The following FBXL17 variants were observed in gnomAD, a reference collection of about 807,000 sequenced individuals.
The protein encoded by FBXL17 is F-box/LRR-repeat protein 17.
In FBXL17, 22 loss-of-function variants were observed where a neutral mutation model predicts 66.2. That is an observed-to-expected ratio of 0.33 (90% CI 0.24 to 0.47). The LOEUF (loss-of-function observed/expected upper bound fraction) is 0.47, where lower values mean the gene tolerates loss of function less well. FBXL17 is among the 20% of genes least tolerant of loss of function. The pLI is 1.00. For synonymous variants in FBXL17, 474 were observed against 400.5 expected (o/e 1.18, Z -2.19); for missense variants, 878 against 948.2 (o/e 0.93, Z 0.97).
chr5:108,365,320 C>A (rs920283655), intron 2 of FBXL17, among the ~76,000 whole-genome samples: 2 of 151,976 alleles, frequency 1.3e-5, no homozygotes, highest in Non-Finnish European at 2.9e-5. Context: ...TAGAGTGGGG[C>A]GCCTAGATGG....
In FBXL17 at chr5:108,053,392, C is replaced by A. The variant is rs1286664484; in HGVS notation, c.1746-32391G>T. On this transcript the variant is annotated intron_variant, in intron 6 of 8. Transcript: ENST00000542267. ...TCAAAAAGTGGGCAAAGGATATGAA[C>A]AGACACTTCTCAAAAGAAGACATTT... Among the ~76,000 whole-genome samples, 6 of 151,908 alleles carry A rather than the reference C, an allele frequency of 3.9e-5. No homozygotes were observed. The East Asian group carries it at 1.2e-3, about 29-fold the overall frequency.
At chr5:108,236,040 TG>T (rs1755586640) in intron 4 of FBXL17, among the ~76,000 whole-genome samples, 1 of 152,198 alleles carries the variant, frequency 6.6e-6, no homozygotes, top group African/African-American at 2.4e-5. Context: ...TTCTTCAATA[TG>T]TCTGAAGTGA....
At chr5:108,238,153 A>G (rs551306881) in intron 4 of FBXL17, among the ~76,000 whole-genome samples, 13 of 152,236 alleles carry the variant, frequency 8.5e-5, no homozygotes, top group Non-Finnish European at 1.6e-4. Context: ...TTGTCACATA[A>G]CAGCTAAAAA....
At chr5:107,968,933 A>AC (rs922172048) in intron 7 of FBXL17, among the ~76,000 whole-genome samples, 2 of 151,902 alleles carry the variant, frequency 1.3e-5, no homozygotes, top group Admixed American at 6.6e-5. Flanking sequence ...GGCCATGATG[A>AC]CCCCCCAAAA....
chr5:108,224,773 TTTG>T (rs1215734240), intron 4 of FBXL17, among the ~76,000 whole-genome samples: 2 of 151,984 alleles, frequency 1.3e-5, no homozygotes, highest in East Asian at 1.9e-4. Flanking sequence ...TTTGGTTTTT[TTTG>T]TTGTTGTTGT....
At chr5:108,049,268 A>T (rs1747378923) in intron 6 of FBXL17, among the ~76,000 whole-genome samples, 1 of 151,416 alleles carries the variant, frequency 6.6e-6, no homozygotes, top group Non-Finnish European at 1.5e-5. Flanking sequence ...TTAGCCTCCC[A>T]AGTAGATGGG....
intron 6 of FBXL17, among the ~76,000 whole-genome samples, chr5:108,126,312 G>T (rs1329089173): frequency 6.6e-6 from 1 of 152,032 alleles, no homozygotes; most frequent in Non-Finnish European, 1.5e-5. Context: ...TGGAGGTCTT[G>T]TAGGTGAAAC....
intron 4 of FBXL17, among the ~76,000 whole-genome samples, chr5:108,289,939 ATT>A (rs1758045824): frequency 6.6e-6 from 1 of 152,136 alleles, no homozygotes; most frequent in Non-Finnish European, 1.5e-5. Flanking sequence ...GTGCAAGTGT[ATT>A]TTACTCTGTA....
intron 4 of FBXL17, among the ~76,000 whole-genome samples, chr5:108,328,738 T>C (rs1759981746): frequency 1.3e-5 from 2 of 152,058 alleles, no homozygotes; most frequent in African/African-American, 2.4e-5. Context: ...TTTGGGCCTC[T>C]TTCTTATATA....
chr5:108,214,618 C>T (rs905339362), intron 5 of FBXL17, among the ~76,000 whole-genome samples: 3 of 152,104 alleles, frequency 2.0e-5, no homozygotes, highest in African/African-American at 7.2e-5. Flanking sequence ...GATCTGCCCA[C>T]CTCGACCTCC....
chr5:108,197,329 A>T (rs942818723), intron 5 of FBXL17, among the ~76,000 whole-genome samples: 3 of 152,198 alleles, frequency 2.0e-5, no homozygotes, highest in Non-Finnish European at 1.5e-5. Context: ...AATTAAGTCA[A>T]ATGTGAATGC....
chr5:107,940,811 C>A (rs1322674589), intron 7 of FBXL17, among the ~76,000 whole-genome samples: 1 of 152,148 alleles, frequency 6.6e-6, no homozygotes, highest in Non-Finnish European at 1.5e-5. Flanking sequence ...TGGCTACACA[C>A]TAGAATCACC....
At chr5:108,376,456 G>A (rs1410068191) in intron 1 of FBXL17, among the ~76,000 whole-genome samples, 1 of 152,186 alleles carries the variant, frequency 6.6e-6, no homozygotes, top group Non-Finnish European at 1.5e-5. Flanking sequence ...ATCTGAAGAT[G>A]AAATTAAGAA....
chr5:108,299,389 C>A lies in FBXL17; in HGVS notation c.1506+49010G>T, dbSNP rs1162246844. 16 of 979,216 alleles carry A rather than the reference C, an allele frequency of 1.6e-5. No individual in the cohort carries two copies. In the Admixed American group the frequency reaches 3.1e-4, roughly 19 times the overall value. The allele number at this position is 979,216 out of a possible 1,614,324, so 60.7% of individuals were successfully genotyped here. A position where few individuals can be genotyped will look rare whatever the true frequency, so the allele number is the denominator to read the frequency against. ...CAGTTTTCAAACTACGTTTTCATAT[C>A]AACACAAGCAAGTTTACATTACACA... On this transcript the variant is annotated intron_variant, in intron 4 of 8. Coordinates refer to ENST00000542267, the MANE Select transcript of FBXL17 (RefSeq NM_001163315.3).
chr5:107,930,507 A>C (rs942016866), intron 7 of FBXL17, among the ~76,000 whole-genome samples: 1 of 152,174 alleles, frequency 6.6e-6, no homozygotes, highest in Non-Finnish European at 1.5e-5. Flanking sequence ...GCACTATTTT[A>C]TTACTTGATT....
intron 6 of FBXL17, among the ~76,000 whole-genome samples, chr5:108,068,458 T>TTTTTTTTTTTTG: frequency 8.3e-6 from 1 of 120,324 alleles, no homozygotes; most frequent in Non-Finnish European, 1.8e-5. Flanking sequence ...TTTCTTTTTT[T>TTTTTTTTTTTTG]GGGGGGGGGG....
intron 7 of FBXL17, among the ~76,000 whole-genome samples, chr5:107,912,788 T>A (rs1749994932): frequency 6.6e-6 from 1 of 152,190 alleles, no homozygotes; most frequent in Non-Finnish European, 1.5e-5. Context: ...AATGTATTCA[T>A]ATATTATCAG....
chr5:108,158,244 G>C (rs1752070719), intron 6 of FBXL17, among the ~76,000 whole-genome samples: 1 of 152,036 alleles, frequency 6.6e-6, no homozygotes, highest in African/African-American at 2.4e-5. Context: ...GTATATTAAA[G>C]TGTACAAAAA....
chr5:108,002,078 C>T (rs1477170923), intron 7 of FBXL17, among the ~76,000 whole-genome samples: 3 of 151,788 alleles, frequency 2.0e-5, no homozygotes, highest in African/African-American at 2.4e-5. Flanking sequence ...TGCAATGGTG[C>T]GATCTCAGCT....
Sources: gnomAD v4.1 joint callset for allele counts (sites outside exome capture counted in the v4.1 genomes callset) on GRCh38, gnomAD v4.1.1 for gene constraint, MANE v1.5 for transcripts, NCBI Gene and HGNC (gene_info 2026-07-23, HGNC 2026-07-21) for gene names.